Variants in CNTLN observed in about 807,000 individuals in gnomAD.
CNTLN encodes the protein centlein, centrosomal protein.
In CNTLN, 212 loss-of-function variants were observed where a neutral mutation model predicts 180.0. That is an observed-to-expected ratio of 1.18 (90% CI 1.05 to 1.32). The LOEUF (loss-of-function observed/expected upper bound fraction) is 1.32. Among genes scored for constraint, CNTLN ranks in the 40% most tolerant of loss-of-function variants. CNTLN has a pLI of 0.00. For synonymous variants in CNTLN, 722 were observed against 563.1 expected, an observed-to-expected ratio of 1.28 and a Z score of -3.99; for missense variants, 2,095 against 1,610.9, an observed-to-expected ratio of 1.30 and a Z score of -5.14.
chr9:17,343,594 C>G (rs527292632), intron 12 of CNTLN, among the ~76,000 whole-genome samples: 90 of 152,252 alleles, frequency 5.9e-4, no homozygotes, highest in Non-Finnish European at 1.2e-3. Flanking sequence ...ATAATGAAGG[C>G]TCTTATCTTG....
At chr9:17,295,468 C>T (rs983321078) in intron 6 of CNTLN, among the ~76,000 whole-genome samples, 4 of 152,174 alleles carry the variant, frequency 2.6e-5, no homozygotes, top group Admixed American at 6.5e-5. Context: ...CCAGGTGGGC[C>T]GTCGCACCAC....
intron 2 of CNTLN, among the ~76,000 whole-genome samples, chr9:17,209,478 T>A (rs1823139306): frequency 6.6e-6 from 1 of 152,176 alleles, no homozygotes; most frequent in Non-Finnish European, 1.5e-5. Flanking sequence ...TCTTTGTTGA[T>A]TTTCTGTCTG....
rs542619487 is a variant in CNTLN at position 17,468,559 on chromosome 9, A to T, written c.3855+1668A>T. On this transcript the variant is annotated intron_variant, in intron 23 of 25. Transcript: ENST00000380647. ...TATGAAATATATAATTATGAGATTT[A>T]TTCAAAATGCTAATCATTGTTTTTC... Among the ~76,000 whole-genome samples the T allele has an allele frequency of 2.0e-5, 3 of 151,740 alleles. No individual in the cohort carries two copies. The East Asian group carries it at 5.8e-4, about 29-fold the overall frequency.
intron 18 of CNTLN, among the ~76,000 whole-genome samples, chr9:17,435,526 A>G (rs1008253088): frequency 2.0e-5 from 3 of 151,788 alleles, no homozygotes; most frequent in Non-Finnish European, 2.9e-5. Context: ...ACCTTAGACT[A>G]TGAAAGGTAG....
At chr9:17,461,214 C>G (rs567401840) in intron 19 of CNTLN, among the ~76,000 whole-genome samples, 1 of 151,362 alleles carries the variant, frequency 6.6e-6, no homozygotes, top group African/African-American at 2.4e-5. Context: ...TCACTATTAG[C>G]TTAGCATAAT....
At chr9:17,228,156 A>C (rs1364376819) in intron 3 of CNTLN, among the ~76,000 whole-genome samples, 3 of 152,100 alleles carry the variant, frequency 2.0e-5, no homozygotes, top group African/African-American at 7.2e-5. Flanking sequence ...GCAATGCTTT[A>C]GTGAATGCTC....
At chr9:17,371,035 A>T (rs1249829383) in intron 13 of CNTLN, among the ~76,000 whole-genome samples, 1 of 152,140 alleles carries the variant, frequency 6.6e-6, no homozygotes, top group Non-Finnish European at 1.5e-5. Flanking sequence ...CCTTCACTAC[A>T]AGGAAAACAA....
intron 2 of CNTLN, among the ~76,000 whole-genome samples, chr9:17,153,793 A>G (rs560366896): frequency 1.3e-5 from 2 of 152,302 alleles, no homozygotes; most frequent in African/African-American, 4.8e-5. Context: ...AGGTACACCA[A>G]TCAAATGTAG....
intron 7 of CNTLN, chr9:17,299,477 G>C (rs1818198931): frequency 1.0e-6 from 1 of 982,114 alleles, no homozygotes. Context: ...TGTGAAAATC[G>C]AATGTCTATA....
chr9:17,310,937 G>C (rs1452704853), intron 8 of CNTLN, among the ~76,000 whole-genome samples: 2 of 151,912 alleles, frequency 1.3e-5, no homozygotes, highest in East Asian at 1.9e-4. Flanking sequence ...TTAATCCCTA[G>C]TAAGTTAATA....
intron 5 of CNTLN, among the ~76,000 whole-genome samples, chr9:17,244,173 T>A (rs1825664069): frequency 6.6e-6 from 1 of 151,688 alleles, no homozygotes; most frequent in South Asian, 2.1e-4. Flanking sequence ...TTCACCCTTT[T>A]ATTTTCGATC....
chr9:17,404,371 CATT>C lies in CNTLN; in HGVS notation c.2616-4920_2616-4918del, dbSNP rs551391612. Among the ~76,000 whole-genome samples the C allele has an allele frequency of 2.6e-3, 393 of 151,768 alleles. 14 individuals are homozygous for C. The highest frequency in any genetic ancestry group is 9.0e-3 in the African/African-American group (370 of 41,170). On this transcript the variant is annotated intron_variant, in intron 15 of 25. Transcript: ENST00000380647. ...ACCCACTGGAGGAGTTTTTGCTTCT[CATT>C]AGTATGATCTTGGGCTAGGGGATTT...
rs192873791 is a variant in CNTLN at position 17,400,376 on chromosome 9, A to G, written c.2615+5307A>G. The stretch of plus-strand genomic sequence containing the variant: ...CTGGTCTGGAACTCCTGACCTCGTG[A>G]TCTGCCTGCCTCGGCCTCCCAAAGT... On this transcript the variant is annotated intron_variant, in intron 15 of 25. Transcript: ENST00000380647. Among the ~76,000 whole-genome samples, 825 of 152,220 alleles carry G rather than the reference A, an allele frequency of 5.4e-3. 3 individuals are homozygous for G. The highest frequency in any genetic ancestry group is 8.8e-3 in the Non-Finnish European group (601 of 68,016).
intron 16 of CNTLN, among the ~76,000 whole-genome samples, chr9:17,411,872 T>C (rs1827871242): frequency 6.6e-6 from 1 of 152,072 alleles, no homozygotes; most frequent in South Asian, 2.1e-4. Context: ...GGTGACTCCC[T>C]CCTTTCCATG....
intron 8 of CNTLN, among the ~76,000 whole-genome samples, chr9:17,311,956 T>C (rs1819165681): frequency 6.6e-6 from 1 of 152,144 alleles, no homozygotes; most frequent in Non-Finnish European, 1.5e-5. Flanking sequence ...TGAGCTAAAA[T>C]ATCAAGACAG....
chr9:17,282,960 T>A (rs1828756449), intron 6 of CNTLN, among the ~76,000 whole-genome samples: 1 of 152,218 alleles, frequency 6.6e-6, no homozygotes, highest in Non-Finnish European at 1.5e-5. Flanking sequence ...TCTGTTTTTG[T>A]ACCAGTACCG....
At chr9:17,292,918 G>C (rs556593544) in intron 6 of CNTLN, among the ~76,000 whole-genome samples, 1 of 152,118 alleles carries the variant, frequency 6.6e-6, no homozygotes, top group Admixed American at 6.5e-5. Flanking sequence ...TCTCATCTTT[G>C]TGAGTTTACC....
chr9:17,214,005 T>C (rs2131991010), intron 2 of CNTLN, among the ~76,000 whole-genome samples: 1 of 152,352 alleles, frequency 6.6e-6, no homozygotes, highest in South Asian at 2.1e-4. Flanking sequence ...TGACTCTTTA[T>C]CCAATTTGCC....
intron 12 of CNTLN, among the ~76,000 whole-genome samples, chr9:17,361,535 AAAG>A (rs1823390611): frequency 6.6e-6 from 1 of 152,226 alleles, no homozygotes; most frequent in Non-Finnish European, 1.5e-5. Flanking sequence ...ACATGCAAAA[AAAG>A]AAATAAAGAT....
Sources: allele counts gnomAD v4.1 joint callset (sites outside exome capture counted in the v4.1 genomes callset), GRCh38; gene constraint gnomAD v4.1.1; transcripts MANE v1.5; gene names NCBI Gene and HGNC (gene_info 2026-07-23, HGNC 2026-07-21).